The following RIT2 variants were observed in gnomAD, a reference collection of about 807,000 sequenced individuals.
RIT2 encodes the protein GTP-binding protein Rit2.
A neutral mutation model predicts 23.7 loss-of-function variants in RIT2; 24 were observed. That is an observed-to-expected ratio of 1.01 (90% CI 0.73 to 1.43). RIT2 has a LOEUF of 1.43. Ranked by LOEUF, RIT2 falls within the 40% of genes most tolerant of loss-of-function variation. RIT2 has a pLI of 0.00. For missense variants in RIT2, 236 were observed against 266.9 expected (o/e 0.88, Z 0.81); for synonymous variants, 107 against 91.1 (o/e 1.17, Z -0.99).
intron 3 of RIT2, among the ~76,000 whole-genome samples, chr18:42,961,527 C>T (rs1394874671): frequency 6.6e-6 from 1 of 152,218 alleles, no homozygotes; most frequent in Admixed American, 6.5e-5. Context: ...CTCGTAACCA[C>T]ACATTTCTCT....
intron 4 of RIT2, among the ~76,000 whole-genome samples, chr18:42,818,245 A>T (rs992452139): frequency 6.6e-6 from 1 of 152,112 alleles, no homozygotes; most frequent in Non-Finnish European, 1.5e-5. Context: ...CACAGTTAAA[A>T]TATTGATGCC....
chr18:42,845,533 C>A (rs185091261), intron 4 of RIT2, among the ~76,000 whole-genome samples: 1 of 150,208 alleles, frequency 6.7e-6, no homozygotes, highest in Admixed American at 6.6e-5. Context: ...ATATACATTG[C>A]GCCCAATAAC....
intron 1 of RIT2, among the ~76,000 whole-genome samples, chr18:43,100,485 T>C (rs1056658380): frequency 1.4e-4 from 21 of 152,116 alleles, no homozygotes; most frequent in African/African-American, 5.1e-4. Context: ...ATGACAAATC[T>C]GACTTGTAGC....
chr18:43,031,882 A>G (rs1309677473), intron 2 of RIT2, among the ~76,000 whole-genome samples: 3 of 152,044 alleles, frequency 2.0e-5, no homozygotes, highest in Non-Finnish European at 4.4e-5. Context: ...ATGATTTTCA[A>G]ACTGTACTAA....
chr18:42,819,358 A>G (rs1906085462), intron 4 of RIT2, among the ~76,000 whole-genome samples: 1 of 152,070 alleles, frequency 6.6e-6, no homozygotes. Flanking sequence ...AAAACATGTA[A>G]GGGATATGTC....
intron 4 of RIT2, among the ~76,000 whole-genome samples, chr18:42,855,687 A>G (rs1238714398): frequency 6.6e-6 from 1 of 152,176 alleles, no homozygotes; most frequent in Non-Finnish European, 1.5e-5. Flanking sequence ...AAAAGTTCAC[A>G]AAGTCTAGTC....
At chr18:42,970,955 A>G (rs1185992012) in intron 3 of RIT2, among the ~76,000 whole-genome samples, 1 of 151,926 alleles carries the variant, frequency 6.6e-6, no homozygotes, top group Non-Finnish European at 1.5e-5. Context: ...AGGGAAATAT[A>G]TCACTTGGTC....
intron 4 of RIT2, among the ~76,000 whole-genome samples, chr18:42,913,941 T>C (rs1312000961): frequency 1.3e-5 from 2 of 152,070 alleles, no homozygotes; most frequent in Admixed American, 6.6e-5. Flanking sequence ...TTACAAAACA[T>C]CATGTTGTAC....
chr18:43,107,364 A>G (rs898383910), intron 1 of RIT2, among the ~76,000 whole-genome samples: 4 of 152,156 alleles, frequency 2.6e-5, no homozygotes, highest in African/African-American at 9.7e-5. Flanking sequence ...TGGACAGGGC[A>G]GAGGCTGTGT....
chr18:43,012,278 C>A (rs1045494160), intron 2 of RIT2, among the ~76,000 whole-genome samples: 1 of 151,732 alleles, frequency 6.6e-6, no homozygotes, highest in Non-Finnish European at 1.5e-5. Flanking sequence ...TACCTTATTG[C>A]CTTCAGATAC....
intron 4 of RIT2, among the ~76,000 whole-genome samples, chr18:42,892,336 T>C (rs1908202506): frequency 6.6e-6 from 1 of 152,240 alleles, no homozygotes; most frequent in African/African-American, 2.4e-5. Context: ...CTGGACTTAC[T>C]GTGATTAAGA....
chr18:42,999,125 C>A (rs1239755065), intron 2 of RIT2, among the ~76,000 whole-genome samples: 1 of 151,996 alleles, frequency 6.6e-6, no homozygotes, highest in East Asian at 1.9e-4. Flanking sequence ...ACTAAAGAGA[C>A]AACTTTAGTA....
chr18:43,000,659 C>T lies in RIT2; in HGVS notation c.161-26512G>A, dbSNP rs573849770. Among the ~76,000 whole-genome samples, 13 of 151,990 alleles carry T rather than the reference C, an allele frequency of 8.6e-5. No individual in the cohort carries two copies. In the South Asian group the frequency reaches 2.7e-3, roughly 32 times the overall value. On this transcript the variant is annotated intron_variant, in intron 2 of 4. Transcript: ENST00000326695. The stretch of plus-strand genomic sequence containing the variant: ...ATGAAGGTGGTTCCCCTATGCTGTT[C>T]TCATAATAGTGAGTTTTCATGAGAT...
chr18:43,037,743 A>G (rs1051381235), intron 1 of RIT2, among the ~76,000 whole-genome samples: 1 of 152,126 alleles, frequency 6.6e-6, no homozygotes, highest in Non-Finnish European at 1.5e-5. Flanking sequence ...TTGCCTACTT[A>G]GAACTATTTT....
At chr18:42,875,793 T>C (rs1467043266) in intron 4 of RIT2, among the ~76,000 whole-genome samples, 1 of 152,056 alleles carries the variant, frequency 6.6e-6, no homozygotes, top group African/African-American at 2.4e-5. Context: ...TCCTTCTTTC[T>C]GGTGAAGAGG....
chr18:42,959,809 T>C (rs1320638035), intron 3 of RIT2, among the ~76,000 whole-genome samples: 2 of 152,202 alleles, frequency 1.3e-5, no homozygotes, highest in Admixed American at 6.5e-5. Flanking sequence ...TTATGTAAAA[T>C]AATGCAGCCA....
chr18:42,948,073 C>T (rs1054972453), intron 3 of RIT2, among the ~76,000 whole-genome samples: 1 of 152,026 alleles, frequency 6.6e-6, no homozygotes, highest in African/African-American at 2.4e-5. Context: ...ATTTCTGTTT[C>T]AGTATGATAC....
intron 4 of RIT2, among the ~76,000 whole-genome samples, chr18:42,836,040 A>G (rs8084360): frequency 0.037 from 5,562 of 152,148 alleles, 334 homozygotes; most frequent in African/African-American, 0.13. Flanking sequence ...CTTATTTCTT[A>G]TTTAAGAACT....
Position 43,115,504 on chromosome 18 carries a change from C to T in RIT2, c.16G>A (p.Glu6Lys), listed in dbSNP as rs1002961408. The T allele has an allele frequency of 4.3e-6, 7 of 1,613,038 alleles. No homozygotes were observed. Among genetic ancestry groups the T allele is most frequent in the Non-Finnish European group, 5.9e-6 (7 of 1,179,642 alleles). Residue 6 changes from glutamate (E) to lysine (K), a missense_variant, in exon 1 of 5, where the codon GAA becomes AAA. Physicochemically the swap from Glu to Lys is moderately conservative, Grantham distance 56. Coordinates refer to ENST00000326695, the MANE Select transcript of RIT2 (RefSeq NM_002930.4). MEVENEASCSPGSASG... is the reference protein window; with the variant it reads MEVENKASCSPGSASG... Reference sequence around the variant, plus strand: ...GCGCTGCCCGGGGAGCAGCTGGCTTCATTTTCTACCTCCATCTTACCCGAG... The same window carrying T: ...GCGCTGCCCGGGGAGCAGCTGGCTTTATTTTCTACCTCCATCTTACCCGAG...
Sources: gnomAD v4.1 joint callset for allele counts (sites outside exome capture counted in the v4.1 genomes callset) on GRCh38, gnomAD v4.1.1 for gene constraint, MANE v1.5 for transcripts, NCBI Gene and HGNC (gene_info 2026-07-23, HGNC 2026-07-21) for gene names.